The following GPHN variants were observed in gnomAD, a reference collection of about 807,000 sequenced individuals.
The protein encoded by GPHN is gephyrin.
GPHN carries 17 observed loss-of-function variants against 95.5 expected under a neutral mutation model. That is an observed-to-expected ratio of 0.18 (90% CI 0.12 to 0.27). The LOEUF (loss-of-function observed/expected upper bound fraction) is 0.27, where lower values mean the gene tolerates loss of function less well. Ranked by LOEUF, GPHN falls within the 10% of genes least tolerant of loss-of-function variation. GPHN has a pLI of 1.00. For missense variants in GPHN, 660 were observed against 978.1 expected (o/e 0.67, Z 4.34); for synonymous variants, 320 against 322.5 (o/e 0.99, Z 0.08).
chr14:66,997,108 G>A (rs1317205943), intron 9 of GPHN, among the ~76,000 whole-genome samples: 1 of 152,140 alleles, frequency 6.6e-6, no homozygotes, highest in East Asian at 1.9e-4. Context: ...GCTCACACCT[G>A]TAATCCCAGC....
chr14:67,578,214 G>T, the GPHN span: 4 of 1,610,854 alleles, frequency 2.5e-6, no homozygotes, highest in Non-Finnish European at 3.4e-6. This position sits in a 1 kb window ranked among gnomAD's most constrained non-coding sequence, Gnocchi z 5.0. Context: ...GCATGCCAGG[G>T]GTGGAGCAGC....
the GPHN span, among the ~76,000 whole-genome samples, chr14:67,237,141 C>T: frequency 9.9e-5 from 15 of 151,708 alleles, no homozygotes; most frequent in Admixed American, 7.9e-4. Flanking sequence ...AACTACTATT[C>T]GTAGGTAATT....
chr14:67,500,795 T>G, the GPHN span, among the ~76,000 whole-genome samples: 1 of 151,778 alleles, frequency 6.6e-6, no homozygotes, highest in South Asian at 2.1e-4. Flanking sequence ...ATGGTCTCGA[T>G]CTCCTGAACT....
the GPHN span, chr14:67,381,662 A>G: frequency 6.2e-7 from 1 of 1,613,500 alleles, no homozygotes; most frequent in Non-Finnish European, 8.5e-7. Flanking sequence ...GCAGGTTTGA[A>G]TTGTTCTACA....
intron 8 of GPHN, among the ~76,000 whole-genome samples, chr14:66,930,000 C>T (rs1695632807): frequency 6.6e-6 from 1 of 152,146 alleles, no homozygotes; most frequent in South Asian, 2.1e-4. Context: ...CGTGAGCCAC[C>T]GCGCCCGGCC....
At chr14:66,926,916 T>A (rs2066512463) in intron 8 of GPHN, among the ~76,000 whole-genome samples, 2 of 152,192 alleles carry the variant, frequency 1.3e-5, no homozygotes, top group South Asian at 4.1e-4. Context: ...CACTTCAATT[T>A]CTTGCAAAAA....
At chr14:67,592,735 C>A in the GPHN span, 1 of 1,448,744 alleles carries the variant, frequency 6.9e-7, no homozygotes, top group Non-Finnish European at 9.7e-7. Flanking sequence ...GAAAATAAAT[C>A]AAATAGCAAA....
At chr14:66,706,214 A>G (rs1292161324) in intron 2 of GPHN, among the ~76,000 whole-genome samples, 2 of 152,214 alleles carry the variant, frequency 1.3e-5, no homozygotes, top group Non-Finnish European at 2.9e-5. Flanking sequence ...AAGAAACAAT[A>G]TCGTGAAAAT....
At chr14:66,586,272 C>T (rs9671774) in intron 1 of GPHN, among the ~76,000 whole-genome samples, 10,894 of 151,906 alleles carry the variant, frequency 0.072, 965 homozygotes, top group African/African-American at 0.2. Flanking sequence ...TTATTTTGAG[C>T]CTATGTGTGT....
At chr14:66,835,472 A>C (rs1015530326) in intron 4 of GPHN, among the ~76,000 whole-genome samples, 14 of 151,968 alleles carry the variant, frequency 9.2e-5, no homozygotes, top group Non-Finnish European at 1.5e-4. Flanking sequence ...ATCTATGACA[A>C]ACCCACAGCC....
chr14:66,707,579 AC>A (rs2153419989), intron 2 of GPHN, among the ~76,000 whole-genome samples: 1 of 152,058 alleles, frequency 6.6e-6, no homozygotes, highest in Admixed American at 6.6e-5. Flanking sequence ...AAAACCAAAC[AC>A]CCCATGTTCT....
At chr14:67,638,390 G>T in the GPHN span, among the ~76,000 whole-genome samples, 1 of 151,848 alleles carries the variant, frequency 6.6e-6, no homozygotes, top group African/African-American at 2.4e-5. Flanking sequence ...GAAAAAAAAT[G>T]ATTAAAGTCT....
intron 3 of GPHN, among the ~76,000 whole-genome samples, chr14:66,808,268 A>G (rs2060627315): frequency 6.6e-6 from 1 of 152,174 alleles, no homozygotes. Flanking sequence ...TATTTCTTAT[A>G]AATTTTAGAT....
chr14:67,665,380 T>C, the GPHN span, among the ~76,000 whole-genome samples: 1 of 150,936 alleles, frequency 6.6e-6, no homozygotes, highest in Admixed American at 6.6e-5. Flanking sequence ...CAAGCAATTC[T>C]CCTGCCTCAT....
intron 1 of GPHN, among the ~76,000 whole-genome samples, chr14:66,657,981 CA>C (rs1463999975): frequency 6.6e-6 from 1 of 152,038 alleles, no homozygotes; most frequent in Non-Finnish European, 1.5e-5. Flanking sequence ...TAGACCTGGG[CA>C]AAGTAATTTG....
the GPHN span, among the ~76,000 whole-genome samples, chr14:67,416,904 T>C: frequency 2.0e-5 from 3 of 152,248 alleles, no homozygotes; most frequent in Admixed American, 1.3e-4. Flanking sequence ...GCTGTGAACA[T>C]TGAGTGGTCC....
intron 9 of GPHN, among the ~76,000 whole-genome samples, chr14:67,021,033 T>C (rs949509292): frequency 2.6e-5 from 4 of 152,156 alleles, no homozygotes; most frequent in Admixed American, 1.3e-4. Context: ...TCATTTCAAG[T>C]GTATGCCATT....
At chr14:67,274,178 T>C in the GPHN span, among the ~76,000 whole-genome samples, 2 of 152,224 alleles carry the variant, frequency 1.3e-5, no homozygotes, top group South Asian at 4.1e-4. Context: ...TTTGGTGTTT[T>C]AGTCATGAAG....
chr14:66,600,054 T>C (rs1168068183), intron 1 of GPHN, among the ~76,000 whole-genome samples: 1 of 152,076 alleles, frequency 6.6e-6, no homozygotes, highest in Non-Finnish European at 1.5e-5. Context: ...ATTTCTGGCA[T>C]GTACCCCTCT....
Sources: gnomAD v4.1 joint callset for allele counts (sites outside exome capture counted in the v4.1 genomes callset) on GRCh38, gnomAD v4.1.1 for gene constraint, Gnocchi (gnomAD v3.1) non-coding constraint, MANE v1.5 for transcripts, NCBI Gene and HGNC (gene_info 2026-07-23, HGNC 2026-07-21) for gene names.